The following STXBP4 variants were observed in gnomAD, a reference collection of about 807,000 sequenced individuals.
The protein encoded by STXBP4 is syntaxin-binding protein 4.
STXBP4 carries 55 observed loss-of-function variants against 76.1 expected under a neutral mutation model. The observed-to-expected ratio is 0.72, with a 90% CI of 0.58 to 0.91. The LOEUF is 0.91. Ranked by LOEUF, STXBP4 falls within the 40% of genes least tolerant of loss-of-function variation. The pLI, the probability that STXBP4 is intolerant of heterozygous loss-of-function variation, is 0.00. For missense variants in STXBP4, 618 were observed against 636.9 expected (o/e 0.97, Z 0.32); for synonymous variants, 201 against 220.2 (o/e 0.91, Z 0.77).
chr17:55,181,304 A>T, the STXBP4 span, among the ~76,000 whole-genome samples: 1 of 152,246 alleles, frequency 6.6e-6, no homozygotes, highest in Non-Finnish European at 1.5e-5. Flanking sequence ...TTATAGGTAC[A>T]AATTTTTTAA....
chr17:55,023,812 G>C (rs2078358572), intron 8 of STXBP4, among the ~76,000 whole-genome samples: 1 of 151,396 alleles, frequency 6.6e-6, no homozygotes, highest in African/African-American at 2.4e-5. Flanking sequence ...TAGATATTGG[G>C]GCTCAGTTTT....
chr17:55,211,365 G>A, the STXBP4 span, among the ~76,000 whole-genome samples: 428 of 152,196 alleles, frequency 2.8e-3, no homozygotes, highest in South Asian at 0.012. Flanking sequence ...TCAGCTTCCC[G>A]AGGAGCTAGG....
At chr17:55,032,720 GT>G (rs1252235999) in intron 9 of STXBP4, among the ~76,000 whole-genome samples, 1 of 152,146 alleles carries the variant, frequency 6.6e-6, no homozygotes, top group East Asian at 1.9e-4. Context: ...CTGCAAGGGA[GT>G]TTGTGGAGTA....
chr17:55,168,138 G>A lies in STXBP4; in HGVS notation c.*8227G>A, dbSNP rs570826191. On this transcript the variant is annotated 3_prime_UTR_variant, in exon 18 of 18. Coordinates refer to ENST00000376352, the MANE Select transcript of STXBP4 (RefSeq NM_178509.6). Reference sequence around the variant, plus strand: ...GATTACTTCTCTGATAAAAGTACTCGATATAAGGGAAATTTGAAGGAAATA... The same window carrying A: ...GATTACTTCTCTGATAAAAGTACTCAATATAAGGGAAATTTGAAGGAAATA... 4.5e-4 allele frequency: 68 copies of A among 151,326 alleles called. No individual in the cohort carries two copies. The highest frequency in any genetic ancestry group is 1.6e-3 in the African/African-American group (67 of 41,198). The allele number at this position is 151,326 out of a possible 1,614,324, so 9.4% of individuals were successfully genotyped here.
rs186730118 is a variant in STXBP4, at chr17:54,968,786, G to A, written c.-186G>A. 2 of 944,576 alleles carry A rather than the reference G, an allele frequency of 2.1e-6. No homozygotes were observed. The highest frequency in any genetic ancestry group is 2.5e-5 in the East Asian group (1 of 40,658). The allele number at this position is 944,576 out of a possible 1,614,324, so 58.5% of individuals were successfully genotyped here. On this transcript the variant is annotated 5_prime_UTR_variant, in exon 1 of 18. Coordinates refer to ENST00000376352, the MANE Select transcript of STXBP4 (RefSeq NM_178509.6). ...CCTCAGGTGGCAGCGCTTGCAGTCG[G>A]GCTACGGAGGCCGGGTTGCCAGATT... is the stretch of plus-strand genomic sequence containing the variant.
chr17:55,098,501 A>G (rs1019643736), intron 16 of STXBP4, among the ~76,000 whole-genome samples: 6 of 152,172 alleles, frequency 3.9e-5, no homozygotes, highest in African/African-American at 1.4e-4. Context: ...CATAAACTAG[A>G]TATTCACAGG....
intron 17 of STXBP4, among the ~76,000 whole-genome samples, chr17:55,150,680 C>T (rs927757008): frequency 2.0e-5 from 3 of 152,074 alleles, no homozygotes; most frequent in African/African-American, 4.8e-5. Flanking sequence ...AGGCAAATTG[C>T]AAGAGTTGAT....
chr17:55,002,685 T>C (rs1348625305), intron 7 of STXBP4, among the ~76,000 whole-genome samples: 1 of 152,190 alleles, frequency 6.6e-6, no homozygotes, highest in Non-Finnish European at 1.5e-5. Context: ...GCTATGAGTA[T>C]GGTATAAGGA....
At chr17:54,973,253 C>T (rs2077425085) in intron 1 of STXBP4, among the ~76,000 whole-genome samples, 1 of 152,192 alleles carries the variant, frequency 6.6e-6, no homozygotes, top group Non-Finnish European at 1.5e-5. Context: ...TTTCTGACTC[C>T]TTACAACTTG....
intron 7 of STXBP4, among the ~76,000 whole-genome samples, chr17:55,006,458 G>A (rs1304347038): frequency 6.6e-6 from 1 of 152,088 alleles, no homozygotes; most frequent in Non-Finnish European, 1.5e-5. Flanking sequence ...TCATTTAAAA[G>A]TGTATTTAGA....
intron 8 of STXBP4, among the ~76,000 whole-genome samples, chr17:55,016,875 G>T (rs1295783184): frequency 6.6e-6 from 1 of 152,208 alleles, no homozygotes; most frequent in Non-Finnish European, 1.5e-5. Flanking sequence ...AACTGGTGAG[G>T]TGTGCTCACA....
chr17:55,154,018 C>T (rs1276742490), intron 17 of STXBP4, among the ~76,000 whole-genome samples: 1 of 152,138 alleles, frequency 6.6e-6, no homozygotes, highest in Non-Finnish European at 1.5e-5. Flanking sequence ...TAGAGTGACG[C>T]TATCTGAAAT....
chr17:55,090,147 G>T (rs184958560), intron 16 of STXBP4, among the ~76,000 whole-genome samples: 1 of 152,136 alleles, frequency 6.6e-6, no homozygotes, highest in Non-Finnish European at 1.5e-5. Context: ...CAGGCTGGGG[G>T]TAGGGGGCAG....
At chr17:55,078,382 G>C (rs929423143) in intron 14 of STXBP4, among the ~76,000 whole-genome samples, 188 bp downstream of exon 14, 1 of 152,154 alleles carries the variant, frequency 6.6e-6, no homozygotes, top group Admixed American at 6.5e-5. Flanking sequence ...AGATTGTTTA[G>C]AGAAATAATT....
intron 16 of STXBP4, among the ~76,000 whole-genome samples, chr17:55,140,090 G>A (rs1415336237): frequency 6.6e-6 from 1 of 152,066 alleles, no homozygotes; most frequent in Non-Finnish European, 1.5e-5. Flanking sequence ...GGTCACTTGA[G>A]CCCAGGAGTT....
intron 16 of STXBP4, among the ~76,000 whole-genome samples, chr17:55,116,968 A>G (rs919987066): frequency 6.6e-6 from 1 of 151,896 alleles, no homozygotes; most frequent in Non-Finnish European, 1.5e-5. Flanking sequence ...ACATAGTGCT[A>G]TAATACTGCA....
intron 17 of STXBP4, among the ~76,000 whole-genome samples, chr17:55,142,934 A>G (rs2145154398): frequency 6.6e-6 from 1 of 152,324 alleles, no homozygotes; most frequent in East Asian, 1.9e-4. Context: ...TCTAGCATGC[A>G]GGATTAATCA....
the STXBP4 span, among the ~76,000 whole-genome samples, chr17:55,179,706 G>A: frequency 4.6e-5 from 7 of 152,224 alleles, no homozygotes. Flanking sequence ...TCCACTTAAT[G>A]AGTAGTAAAT....
chr17:55,033,429 A>G (rs978530085), intron 9 of STXBP4, among the ~76,000 whole-genome samples: 3 of 152,130 alleles, frequency 2.0e-5, no homozygotes, highest in Non-Finnish European at 4.4e-5. Flanking sequence ...GTAAACTCTC[A>G]TAACATCTTT....
Sources: allele counts gnomAD v4.1 joint callset (sites outside exome capture counted in the v4.1 genomes callset), GRCh38; gene constraint gnomAD v4.1.1; transcripts MANE v1.5; gene names NCBI Gene and HGNC (gene_info 2026-07-23, HGNC 2026-07-21).